DARS1: variants seen among roughly 807,000 people sequenced by gnomAD.
The protein encoded by DARS1 is aspartyl-tRNA synthetase 1.
DARS1 carries 51 observed loss-of-function variants against 68.8 expected under a neutral mutation model. The observed-to-expected ratio is 0.74, with a 90% CI of 0.59 to 0.94. The LOEUF is 0.94. Among genes scored for constraint, DARS1 ranks in the 40% least tolerant of loss-of-function variants. The pLI, the probability that DARS1 is intolerant of heterozygous loss-of-function variation, is 0.00. For missense variants in DARS1, 607 were observed against 597.3 expected, an observed-to-expected ratio of 1.02 and a Z score of -0.17; for synonymous variants, 203 against 190.4, an observed-to-expected ratio of 1.07 and a Z score of -0.55.
At chr2:135,953,578 T>C (rs1381715284) in intron 4 of DARS1, among the ~76,000 whole-genome samples, 2 of 152,204 alleles carry the variant, frequency 1.3e-5, no homozygotes, top group Non-Finnish European at 2.9e-5. Flanking sequence ...ATTATTAGAT[T>C]TGCCTCTAGT....
chr2:135,923,204 T>C (rs141804300), intron 8 of DARS1, among the ~76,000 whole-genome samples: 6 of 152,302 alleles, frequency 3.9e-5, no homozygotes, highest in Non-Finnish European at 7.4e-5. Context: ...TTTGGAGTTG[T>C]TAAAATTTTT....
At chr2:135,952,254 A>G (rs1205030520) in intron 4 of DARS1, among the ~76,000 whole-genome samples, 1 of 152,186 alleles carries the variant, frequency 6.6e-6, no homozygotes, top group East Asian at 1.9e-4. Context: ...CATCTTTTCA[A>G]AAAGTATGCC....
intron 10 of DARS1, among the ~76,000 whole-genome samples, chr2:135,919,644 T>C (rs1021065387): frequency 3.9e-5 from 6 of 152,232 alleles, no homozygotes; most frequent in Non-Finnish European, 5.9e-5. Flanking sequence ...AACATCATCA[T>C]AAATAAACAA....
At chr2:135,963,464 C>A (rs1269952671) in intron 3 of DARS1, among the ~76,000 whole-genome samples, 2 of 150,834 alleles carry the variant, frequency 1.3e-5, no homozygotes, top group Non-Finnish European at 3.0e-5. Flanking sequence ...CTCCGCCCCC[C>A]GGGTTCAAGC....
chr2:135,970,085 G>A (rs1423590001), intron 3 of DARS1, among the ~76,000 whole-genome samples: 1 of 151,904 alleles, frequency 6.6e-6, no homozygotes, highest in Non-Finnish European at 1.5e-5. Flanking sequence ...CATTTTAAAA[G>A]GCAAAAGCAA....
chr2:135,945,829 C>A (rs1260811592), intron 4 of DARS1, among the ~76,000 whole-genome samples: 1 of 152,168 alleles, frequency 6.6e-6, no homozygotes, highest in Non-Finnish European at 1.5e-5. Context: ...GGAAAGAAGG[C>A]AGGATTAATC....
intron 11 of DARS1, chr2:135,914,760 C>A (rs1490498223): frequency 8.6e-6 from 3 of 348,382 alleles, no homozygotes; most frequent in Non-Finnish European, 1.6e-5. Flanking sequence ...CAGAATATAG[C>A]AATTCATTGA....
chr2:135,966,529 A>G (rs1682240104), intron 3 of DARS1, among the ~76,000 whole-genome samples: 1 of 151,996 alleles, frequency 6.6e-6, no homozygotes, highest in African/African-American at 2.4e-5. Context: ...TTGATATTTT[A>G]TTTGTTTTTG....
intron 3 of DARS1, among the ~76,000 whole-genome samples, chr2:135,972,087 A>G (rs1682383144): frequency 6.6e-6 from 1 of 152,200 alleles, no homozygotes; most frequent in South Asian, 2.1e-4. Flanking sequence ...AAATCCTAAA[A>G]TTTACATGAA....
intron 10 of DARS1, 69 bp downstream of exon 10, chr2:135,920,381 TGAA>T (rs760176514): frequency 1.6e-5 from 24 of 1,501,702 alleles, no homozygotes; most frequent in Non-Finnish European, 2.1e-5. Context: ...ATGTTTAAAT[TGAA>T]GAATTTTTTT....
chr2:135,953,866 T>C (rs1180627498), intron 4 of DARS1, among the ~76,000 whole-genome samples: 2 of 151,998 alleles, frequency 1.3e-5, no homozygotes, highest in Non-Finnish European at 2.9e-5. Flanking sequence ...AAAAATATTT[T>C]TTATTACTTT....
chr2:135,980,414 A>G (rs1558802740), intron 2 of DARS1: 1 of 152,248 alleles, frequency 6.6e-6, no homozygotes, highest in Non-Finnish European at 1.5e-5. Flanking sequence ...TCAAATTATA[A>G]ATACTGTATG....
intron 3 of DARS1, among the ~76,000 whole-genome samples, chr2:135,973,691 C>T (rs1297981284): frequency 6.6e-6 from 1 of 150,570 alleles, no homozygotes. Context: ...CCCATCTTTA[C>T]AAAAAAAATG....
upstream of DARS1, chr2:135,985,660 C>G (rs1024411223): frequency 1.2e-5 from 16 of 1,377,618 alleles, no homozygotes; most frequent in Non-Finnish European, 1.5e-5. Context: ...GATCCCGGAG[C>G]GCTGGCGGCC....
Position 135,961,358 on chromosome 2 carries a change from T to C in DARS1, c.320+38A>G, listed in dbSNP as rs116756668. 1.4e-3 allele frequency: 1,315 copies of C among 924,872 alleles called. 4 individuals carry two copies. The African/African-American group carries it at 0.016, about 11-fold the overall frequency. The allele number at this position is 924,872 out of a possible 1,614,324, so 57.3% of individuals were successfully genotyped here. A position where few individuals can be genotyped will look rare whatever the true frequency, so the allele number is the denominator to read the frequency against. ...CCCCTGGGAGTCTTGGTTCCCACCATTGTTTATTCTGACAACAGGATATAA... is the reference window on the plus strand; with the variant it reads ...CCCCTGGGAGTCTTGGTTCCCACCACTGTTTATTCTGACAACAGGATATAA... On this transcript the variant is annotated intron_variant, in intron 4 of 15. Coordinates refer to ENST00000264161, the MANE Select transcript of DARS1 (RefSeq NM_001349.4).
At chr2:135,954,968 G>A (rs1488192278) in intron 4 of DARS1, among the ~76,000 whole-genome samples, 1 of 151,754 alleles carries the variant, frequency 6.6e-6, no homozygotes, top group Admixed American at 6.6e-5. Flanking sequence ...ATACTAGATA[G>A]TCTCAATAAA....
At chr2:135,915,360 A>C (rs1680982626) in intron 11 of DARS1, among the ~76,000 whole-genome samples, 1 of 152,198 alleles carries the variant, frequency 6.6e-6, no homozygotes, top group African/African-American at 2.4e-5. Context: ...ATCATGGGTT[A>C]CTACAGCCTT....
intron 4 of DARS1, among the ~76,000 whole-genome samples, chr2:135,954,548 T>G (rs1681921351): frequency 6.6e-6 from 1 of 152,094 alleles, no homozygotes; most frequent in African/African-American, 2.4e-5. Flanking sequence ...AAGATGCTGG[T>G]GACCACTGTA....
At chr2:135,947,833 A>C (rs1021350500) in intron 4 of DARS1, among the ~76,000 whole-genome samples, 1 of 151,910 alleles carries the variant, frequency 6.6e-6, no homozygotes, top group Non-Finnish European at 1.5e-5. Context: ...GAAAAAAAAA[A>C]AAACAAAAAA....
Sources: gnomAD v4.1 joint callset for allele counts (sites outside exome capture counted in the v4.1 genomes callset) on GRCh38, gnomAD v4.1.1 for gene constraint, MANE v1.5 for transcripts, NCBI Gene and HGNC (gene_info 2026-07-23, HGNC 2026-07-21) for gene names.